Variants in ST7 observed in about 807,000 individuals in gnomAD.
ST7 encodes suppression of tumorigenicity 7.
ST7 carries 28 observed loss-of-function variants against 78.7 expected under a neutral mutation model. The ratio of observed to expected loss-of-function variants is 0.36; its 90% CI spans 0.26 to 0.49. ST7 has a LOEUF of 0.49. Among genes scored for constraint, ST7 ranks in the 20% least tolerant of loss-of-function variants. ST7 has a pLI of 0.99. For synonymous variants in ST7, 247 were observed against 249.6 expected (o/e 0.99, Z 0.10); for missense variants, 418 against 696.0 (o/e 0.60, Z 4.49).
In ST7 at chr7:117,190,980, G is replaced by A. The variant is rs775383850; in HGVS notation, c.1254+44G>A. The A allele has an allele frequency of 6.8e-7, 1 of 1,481,266 alleles. No homozygotes were observed. The highest frequency in any genetic ancestry group is 9.4e-7 in the Non-Finnish European group (1 of 1,059,572). 91.8% of individuals were successfully genotyped at this position (1,481,266 alleles called of 1,614,324 possible). On this transcript the variant is annotated intron_variant, in intron 12 of 15. Transcript: ENST00000323984. This position sits in a 1 kb window ranked among gnomAD's most constrained non-coding sequence, Gnocchi z 5.2. ...CACAGGAACTCGTTATGATAGCAGA[G>A]AAAGCATTCATTGACCACAGTGTTG...
At chr7:117,044,459 G>T (rs930536812) in intron 1 of ST7, among the ~76,000 whole-genome samples, 4 of 152,092 alleles carry the variant, frequency 2.6e-5, no homozygotes, top group Non-Finnish European at 5.9e-5. Context: ...CAATTCTTGT[G>T]CCTCACCCTC....
At chr7:117,026,789 G>A (rs1480656542) in intron 1 of ST7, among the ~76,000 whole-genome samples, 1 of 152,220 alleles carries the variant, frequency 6.6e-6, no homozygotes, top group Non-Finnish European at 1.5e-5. Context: ...GCTTATCAAG[G>A]GGTGTTTGTG....
At chr7:117,204,983 G>A (rs1563166798) in intron 12 of ST7, among the ~76,000 whole-genome samples, 1 of 152,120 alleles carries the variant, frequency 6.6e-6, no homozygotes, top group Non-Finnish European at 1.5e-5. Flanking sequence ...CAGGAGGATC[G>A]CTTGAGCCCA....
intron 1 of ST7, among the ~76,000 whole-genome samples, chr7:117,040,126 C>A (rs1390947746): frequency 1.3e-5 from 2 of 152,154 alleles, no homozygotes; most frequent in African/African-American, 4.8e-5. Context: ...GTAATCCCAG[C>A]ACTTTGGGAG....
intron 2 of ST7, among the ~76,000 whole-genome samples, chr7:117,113,976 C>T (rs1802642547): frequency 6.6e-6 from 1 of 152,120 alleles, no homozygotes; most frequent in African/African-American, 2.4e-5. Flanking sequence ...AACTTAGAGA[C>T]ACTGAGGTGG....
At chr7:116,988,265 C>T (rs1007733150) in intron 1 of ST7, among the ~76,000 whole-genome samples, 9 of 152,094 alleles carry the variant, frequency 5.9e-5, no homozygotes, top group Admixed American at 3.9e-4. Context: ...AGAGTGTTTA[C>T]GTGGATCTCT....
chr7:117,054,028 G>C (rs1797933885), intron 1 of ST7, among the ~76,000 whole-genome samples: 1 of 151,954 alleles, frequency 6.6e-6, no homozygotes, highest in Non-Finnish European at 1.5e-5. Context: ...AGTAGAGATG[G>C]GGTTTCACCA....
chr7:117,049,882 T>G (rs1797681694), intron 1 of ST7, among the ~76,000 whole-genome samples: 1 of 152,058 alleles, frequency 6.6e-6, no homozygotes, highest in South Asian at 2.1e-4. Flanking sequence ...TATTAAAGAT[T>G]TACAGTATTG....
intron 9 of ST7, among the ~76,000 whole-genome samples, chr7:117,163,569 TTTG>T (rs1807319556): frequency 6.6e-6 from 1 of 152,210 alleles, no homozygotes; most frequent in Non-Finnish European, 1.5e-5. Context: ...TTTTCATAGA[TTTG>T]TTGGCCATTT....
chr7:117,203,974 A>G (rs897136652), intron 12 of ST7, among the ~76,000 whole-genome samples: 1 of 152,206 alleles, frequency 6.6e-6, no homozygotes, highest in Non-Finnish European at 1.5e-5. Context: ...CGATGAACAG[A>G]GAAGTGAACC....
intron 1 of ST7, among the ~76,000 whole-genome samples, chr7:117,003,049 C>T (rs1795011795): frequency 6.6e-6 from 1 of 152,006 alleles, no homozygotes; most frequent in African/African-American, 2.4e-5. Flanking sequence ...GTCTCGAACT[C>T]CTGCCCTCAG....
intron 1 of ST7, among the ~76,000 whole-genome samples, chr7:117,088,588 C>T (rs1346195394): frequency 1.3e-5 from 2 of 152,098 alleles, no homozygotes; most frequent in African/African-American, 2.4e-5. Flanking sequence ...CATTAAGTAA[C>T]GAATTGCCGT....
At chr7:117,178,200 A>G (rs1249071049) in intron 10 of ST7, among the ~76,000 whole-genome samples, 3 of 152,186 alleles carry the variant, frequency 2.0e-5, no homozygotes, top group African/African-American at 7.2e-5. Flanking sequence ...TTTTCAAATT[A>G]TTTCAGCAAG....
rs778924152 is a variant in ST7 at position 117,140,640 on chromosome 7, A to G, written c.963+2108A>G. Among the ~76,000 whole-genome samples, 5 of 152,232 alleles carry G rather than the reference A, an allele frequency of 3.3e-5. 1 individual carries two copies. The highest frequency in any genetic ancestry group is 6.8e-3 in the Middle Eastern group (2 of 294). ...TTAATTTCTCTCTTCCTCTCTCGACATATGTGTATACATACACATACATAT... is the reference window on the plus strand; with the variant it reads ...TTAATTTCTCTCTTCCTCTCTCGACGTATGTGTATACATACACATACATAT... On this transcript the variant is annotated intron_variant, in intron 9 of 15. Transcript: ENST00000323984.
At chr7:117,174,049 T>C (rs1563141797) in intron 10 of ST7, among the ~76,000 whole-genome samples, 2 of 152,236 alleles carry the variant, frequency 1.3e-5, no homozygotes, top group Non-Finnish European at 2.9e-5. Flanking sequence ...AACAATCATA[T>C]ACTCCTGTGT....
intron 1 of ST7, chr7:116,954,944 C>T (rs1447923978): frequency 3.3e-6 from 1 of 304,892 alleles, no homozygotes; most frequent in Non-Finnish European, 6.7e-6. Flanking sequence ...CTAACTTGAA[C>T]TCATGTTCAT....
chr7:117,097,255 A>T (rs1172305333), intron 1 of ST7, among the ~76,000 whole-genome samples: 6 of 151,998 alleles, frequency 3.9e-5, no homozygotes, highest in African/African-American at 1.2e-4. Context: ...GTTTGCAGAA[A>T]CCTACTGAAA....
intron 1 of ST7, among the ~76,000 whole-genome samples, chr7:117,071,887 C>T (rs9886247): frequency 8.5e-5 from 13 of 152,206 alleles, no homozygotes; most frequent in African/African-American, 3.1e-4. Context: ...AAACCAGAAA[C>T]TCTTCTGATT....
At chr7:117,130,408 T>G in intron 4 of ST7, 83 bp from the exon 5 acceptor site, 2 of 989,582 alleles carry the variant, frequency 2.0e-6, no homozygotes, top group South Asian at 1.6e-5. Context: ...TGGTCTATAT[T>G]TCAACGCCTC....
Sources: allele counts gnomAD v4.1 joint callset (sites outside exome capture counted in the v4.1 genomes callset), GRCh38; gene constraint gnomAD v4.1.1; non-coding constraint Gnocchi (gnomAD v3.1); transcripts MANE v1.5; gene names NCBI Gene and HGNC (gene_info 2026-07-23, HGNC 2026-07-21).